The following WDSUB1 variants were observed in gnomAD, a reference collection of about 807,000 sequenced individuals.
WDSUB1 encodes WD repeat, SAM and U-box domain-containing protein 1.
A neutral mutation model predicts 53.9 loss-of-function variants in WDSUB1; 49 were observed. The ratio of observed to expected loss-of-function variants is 0.91; its 90% CI spans 0.72 to 1.15. The LOEUF is 1.15. Ranked by LOEUF, WDSUB1 falls within the 50% of genes most tolerant of loss-of-function variation. The pLI, the probability that WDSUB1 is intolerant of heterozygous loss-of-function variation, is 0.00. For synonymous variants in WDSUB1, 194 were observed against 200.6 expected, an observed-to-expected ratio of 0.97 and a Z score of 0.28; for missense variants, 514 against 562.0, an observed-to-expected ratio of 0.91 and a Z score of 0.86.
At chr2:159,265,730 T>C (rs77157084) in intron 5 of WDSUB1, among the ~76,000 whole-genome samples, 4,825 of 152,186 alleles carry the variant, frequency 0.032, 120 homozygotes, top group African/African-American at 0.06. Flanking sequence ...ACTCTTCCTG[T>C]TTTAACAGCG....
chr2:159,255,454 G>A (rs540564782), intron 9 of WDSUB1, among the ~76,000 whole-genome samples: 20 of 151,922 alleles, frequency 1.3e-4, no homozygotes, highest in South Asian at 4.2e-4. Flanking sequence ...GTGACAGAGC[G>A]AGACTCCATC....
chr2:159,285,366 T>C (rs12469406), intron 1 of WDSUB1, among the ~76,000 whole-genome samples: 25,301 of 151,698 alleles, frequency 0.17, 3,075 homozygotes, highest in Admixed American at 0.37. Flanking sequence ...ACTTGTAAAA[T>C]TGATAATCCT....
At chr2:159,276,888 G>A (rs2061552270) in intron 3 of WDSUB1, among the ~76,000 whole-genome samples, 2 of 152,062 alleles carry the variant, frequency 1.3e-5, no homozygotes, top group African/African-American at 4.8e-5. Context: ...ATCTGTAGTT[G>A]TAGCTACTTA....
At chr2:159,245,426 G>C (rs1322767900) in intron 10 of WDSUB1, among the ~76,000 whole-genome samples, 2 of 152,034 alleles carry the variant, frequency 1.3e-5, no homozygotes, top group Non-Finnish European at 2.9e-5. Flanking sequence ...CCAGCTACTT[G>C]GGAGGCTGAG....
chr2:159,257,655 T>C, intron 8 of WDSUB1, 103 bp downstream of exon 8: 1 of 975,642 alleles, frequency 1.0e-6, no homozygotes, highest in South Asian at 1.5e-5. Context: ...CCCAAAGTGC[T>C]GGGATTACAG....
chr2:159,236,863 C>T (rs1247203260), intron 10 of WDSUB1, among the ~76,000 whole-genome samples: 1 of 152,122 alleles, frequency 6.6e-6, no homozygotes, highest in Non-Finnish European at 1.5e-5. Context: ...TCAGGTGATT[C>T]ACCCACCTTG....
chr2:159,241,422 C>T (rs2060643768), intron 10 of WDSUB1, among the ~76,000 whole-genome samples: 1 of 152,122 alleles, frequency 6.6e-6, no homozygotes, highest in African/African-American at 2.4e-5. Context: ...ATTAGCCAGA[C>T]ATGGTGGCAC....
Position 159,282,847 on chromosome 2 carries a change from C to G in WDSUB1, c.223G>C (p.Asp75His), listed in dbSNP as rs780695607. 31 of 1,614,068 alleles carry G rather than the reference C, an allele frequency of 1.9e-5. No individual in the cohort carries two copies. The highest frequency in any genetic ancestry group is 1.6e-4 in the Middle Eastern group (1 of 6,084). Residue 75 changes from aspartate to histidine, a missense_variant, in exon 2 of 11, where the codon GAT (aspartate) becomes CAT (histidine). Coordinates refer to ENST00000359774, the MANE Select transcript of WDSUB1 (RefSeq NM_001128212.3). Reference sequence around the variant, plus strand: ...GTATTCCATAGGACAGTGGTACCATCTGTTGAACACGATGCCAAAATATGT... The same window carrying G: ...GTATTCCATAGGACAGTGGTACCATGTGTTGAACACGATGCCAAAATATGT... ...SGHILASCST[D>H]GTTVLWNTEN...
At chr2:159,242,073 T>C (rs67157600) in intron 10 of WDSUB1, among the ~76,000 whole-genome samples, 58,758 of 144,800 alleles carry the variant, frequency 0.41, 15,011 homozygotes, top group Non-Finnish European at 0.55. Flanking sequence ...TATTTAGAGA[T>C]GGAGTCTCGC....
intron 5 of WDSUB1, among the ~76,000 whole-genome samples, chr2:159,265,859 C>G (rs1169516791): frequency 6.6e-6 from 1 of 152,098 alleles, no homozygotes; most frequent in Non-Finnish European, 1.5e-5. Flanking sequence ...GGAGAAAGAC[C>G]AAGGGAAAAA....
At chr2:159,261,882 ATATATATATATATATTTTTTTTTTTTTTT>A (rs1342576296) in intron 5 of WDSUB1, among the ~76,000 whole-genome samples, 971 of 19,870 alleles carry the variant, frequency 0.049, 38 homozygotes, top group Non-Finnish European at 0.061. Context: ...ATATATATAT[ATATATATATATATATTTTTTTTTTTTTTT>A]TTTTTTTTTT....
At chr2:159,255,710 G>C (rs1280725100) in intron 9 of WDSUB1, among the ~76,000 whole-genome samples, 1 of 152,098 alleles carries the variant, frequency 6.6e-6, no homozygotes, top group East Asian at 1.9e-4. Context: ...AAGATTTTTA[G>C]TTATTTCACT....
In WDSUB1 at chr2:159,235,960, G is replaced by T; in HGVS notation, c.*73C>A. ...TTTTTCCTGTTTTGCTTTTAATAAT[G>T]TCTGATTAGTATTTACCTATAAATC... On this transcript the variant is annotated 3_prime_UTR_variant, in exon 11 of 11. Transcript: ENST00000359774. The T allele has an allele frequency of 7.6e-7, 1 of 1,323,726 alleles. No individual in the cohort carries two copies. Among genetic ancestry groups the T allele is most frequent in the Non-Finnish European group, 9.9e-7 (1 of 1,009,682 alleles). 82.0% of individuals were successfully genotyped at this position (1,323,726 alleles called of 1,614,324 possible).
intron 5 of WDSUB1, among the ~76,000 whole-genome samples, chr2:159,261,879 TATATATATATATATA>T (rs2061215698): frequency 5.8e-5 from 1 of 17,136 alleles, no homozygotes; most frequent in African/African-American, 3.1e-4. Context: ...TATATATATA[TATATATATATATATA>T]TATTTTTTTT....
chr2:159,275,586 G>A lies in WDSUB1; in HGVS notation c.636C>T (p.Cys212=). The A allele has an allele frequency of 6.2e-7, 1 of 1,607,456 alleles. No homozygotes were observed. The highest frequency in any genetic ancestry group is 8.5e-7 in the Non-Finnish European group (1 of 1,178,194). ...AAGAAACAATCCAAATTTTGACTTG[G>A]CAATCCTGACCACATGATGCCAGTC... ...FFRLASCGQD[C]QVKIWIVSFT... Residue 212 remains cysteine (C), a synonymous_variant, in exon 4 of 11, where the codon TGC becomes TGT. Transcript: ENST00000359774.
At chr2:159,245,765 C>T (rs2060780639) in intron 10 of WDSUB1, among the ~76,000 whole-genome samples, 1 of 152,056 alleles carries the variant, frequency 6.6e-6, no homozygotes, top group Non-Finnish European at 1.5e-5. Context: ...TAGACCTAAA[C>T]CTAAAATTTA....
rs1481426121 is a variant in WDSUB1, at chr2:159,261,870, ATATATATATATATATATATATATATATTT to A, written c.771-2056_771-2028del. Among the ~76,000 whole-genome samples the A allele has an allele frequency of 7.0e-3, 98 of 14,078 alleles. 5 individuals carry two copies. The highest frequency in any genetic ancestry group is 0.035 in the Admixed American group (36 of 1,034). The allele number at this position is 14,078 out of a possible 152,430, so 9.2% of individuals were successfully genotyped here. On this transcript the variant is annotated intron_variant, in intron 5 of 10. Coordinates refer to ENST00000359774, the MANE Select transcript of WDSUB1 (RefSeq NM_001128212.3). ...CTCATATATATATATATATATATAT[ATATATATATATATATATATATATATATTT>A]TTTTTTTTTTTTTTTTTTTTTTTTT...
chr2:159,275,474 A>C, intron 4 of WDSUB1, 72 bp downstream of exon 4: 1 of 1,258,466 alleles, frequency 7.9e-7, no homozygotes, highest in African/African-American at 1.6e-5. Context: ...AGGTACCTTA[A>C]GTAAAAAGAT....
intron 9 of WDSUB1, among the ~76,000 whole-genome samples, chr2:159,253,014 T>G (rs1197267214): frequency 6.6e-6 from 1 of 152,180 alleles, no homozygotes. Context: ...AATTCCAAAC[T>G]CCAAGATACG....
Sources: allele counts gnomAD v4.1 joint callset (sites outside exome capture counted in the v4.1 genomes callset), GRCh38; gene constraint gnomAD v4.1.1; transcripts MANE v1.5; gene names NCBI Gene and HGNC (gene_info 2026-07-23, HGNC 2026-07-21).